The following FBXW10B variants were observed in gnomAD, a reference collection of about 807,000 sequenced individuals.
FBXW10B encodes F-box and WD repeat domain containing 10B, also known as F-box and WD repeat domain containing protein 10B.
the FBXW10B span, among the ~76,000 whole-genome samples, chr17:15,577,686 G>A: frequency 3.3e-5 from 5 of 152,092 alleles, no homozygotes; most frequent in Non-Finnish European, 7.4e-5. Flanking sequence ...CACGTAAGAC[G>A]ATGTGAAAAG....
the FBXW10B span, among the ~76,000 whole-genome samples, chr17:15,593,912 C>T: frequency 2.0e-5 from 3 of 151,898 alleles, no homozygotes; most frequent in Non-Finnish European, 2.9e-5. Context: ...TACAGGCATG[C>T]GCCACCATGC....
chr17:15,600,636 G>T, the FBXW10B span, among the ~76,000 whole-genome samples: 2 of 152,032 alleles, frequency 1.3e-5, no homozygotes, highest in African/African-American at 4.8e-5. Context: ...TTCCCTTCCA[G>T]AAGGGGAACA....
chr17:15,611,268 C>G, the FBXW10B span, among the ~76,000 whole-genome samples: 1 of 152,194 alleles, frequency 6.6e-6, no homozygotes, highest in East Asian at 1.9e-4. Context: ...GTGATCCGCC[C>G]GCCTCGGCCT....
chr17:15,602,339 G>C, the FBXW10B span, among the ~76,000 whole-genome samples: 1 of 151,986 alleles, frequency 6.6e-6, no homozygotes, highest in Non-Finnish European at 1.5e-5. Context: ...TGGAGGAAGT[G>C]GCAGGTTATA....
the FBXW10B span, among the ~76,000 whole-genome samples, chr17:15,617,191 C>A: frequency 3.3e-5 from 5 of 152,196 alleles, no homozygotes; most frequent in East Asian, 1.9e-4. Flanking sequence ...TTCTTCCATA[C>A]CCCTGACACA....
the FBXW10B span, among the ~76,000 whole-genome samples, chr17:15,592,233 C>T: frequency 1.3e-5 from 2 of 151,210 alleles, no homozygotes; most frequent in Non-Finnish European, 2.9e-5. Context: ...TTTAGACTTC[C>T]GTTCACTCAA....
chr17:15,593,545 T>A, the FBXW10B span: 385 of 1,600,364 alleles, frequency 2.4e-4, 7 homozygotes, highest in East Asian at 8.5e-3. Flanking sequence ...ATAAAATGCC[T>A]GGGTTTGTTT....
the FBXW10B span, among the ~76,000 whole-genome samples, chr17:15,601,049 CAAAAAAAAA>C: frequency 2.1e-4 from 6 of 28,258 alleles, no homozygotes; most frequent in East Asian, 1.0e-3. Flanking sequence ...GACTCCATCT[CAAAAAAAAA>C]AAAAAAAAAA....
At chr17:15,579,684 C>T in the FBXW10B span, among the ~76,000 whole-genome samples, 2 of 152,206 alleles carry the variant, frequency 1.3e-5, no homozygotes, top group African/African-American at 4.8e-5. Context: ...ATAAAGCTTT[C>T]TTGACTTAAC....
chr17:15,601,995 C>T, the FBXW10B span, among the ~76,000 whole-genome samples: 1 of 151,732 alleles, frequency 6.6e-6, no homozygotes, highest in Non-Finnish European at 1.5e-5. Flanking sequence ...GCCTGTAGTC[C>T]CAGCTACTCG....
At chr17:15,584,730 G>C in the FBXW10B span, among the ~76,000 whole-genome samples, 1 of 152,128 alleles carries the variant, frequency 6.6e-6, no homozygotes, top group South Asian at 2.1e-4. Flanking sequence ...TGCATGGCTT[G>C]TCAGCCTACC....
chr17:15,582,430 CATG>C, the FBXW10B span, among the ~76,000 whole-genome samples: 9,705 of 152,180 alleles, frequency 0.064, 1,081 homozygotes, highest in African/African-American at 0.22. Flanking sequence ...TGAATATAAC[CATG>C]ATATTTAAAG....
chr17:15,609,088 C>A, the FBXW10B span, among the ~76,000 whole-genome samples: 1 of 147,660 alleles, frequency 6.8e-6, no homozygotes, highest in African/African-American at 2.5e-5. Context: ...CATTTATATT[C>A]CCTGCCATAT....
At chr17:15,589,502 C>T in the FBXW10B span, among the ~76,000 whole-genome samples, 1 of 151,040 alleles carries the variant, frequency 6.6e-6, no homozygotes, top group Non-Finnish European at 1.5e-5. Context: ...CCTGCGTTCC[C>T]CTCTTATGAA....
At chr17:15,596,023 C>T in the FBXW10B span, among the ~76,000 whole-genome samples, 22 of 151,002 alleles carry the variant, frequency 1.5e-4, no homozygotes, top group South Asian at 2.9e-3. Flanking sequence ...AGGTTACAAG[C>T]GCCCACCACC....
chr17:15,615,912 T>G, the FBXW10B span: 3 of 1,491,768 alleles, frequency 2.0e-6, no homozygotes, highest in African/African-American at 2.8e-5. Flanking sequence ...CTTTTAAAGA[T>G]GTACAGAATG....
the FBXW10B span, among the ~76,000 whole-genome samples, chr17:15,604,498 A>G: frequency 6.6e-6 from 1 of 152,078 alleles, no homozygotes; most frequent in East Asian, 1.9e-4. Context: ...TGGACGCATG[A>G]GTGTTTGTTA....
At chr17:15,592,920 T>C in the FBXW10B span, among the ~76,000 whole-genome samples, 1 of 151,748 alleles carries the variant, frequency 6.6e-6, no homozygotes, top group Non-Finnish European at 1.5e-5. Flanking sequence ...CTGGCCAAGA[T>C]GGTGAAACCC....
the FBXW10B span, chr17:15,566,385 A>C: frequency 1.5e-6 from 2 of 1,373,764 alleles, no homozygotes. Context: ...AATTTTAAAA[A>C]ATCGGCGTTC....
Sources: allele counts gnomAD v4.1 joint callset (sites outside exome capture counted in the v4.1 genomes callset), GRCh38; gene constraint gnomAD v4.1.1; transcripts MANE v1.5; gene names NCBI Gene and HGNC (gene_info 2026-07-23, HGNC 2026-07-21).